SEMA6D: variants seen among roughly 807,000 people sequenced by gnomAD.
SEMA6D encodes the protein semaphorin 6D.
A neutral mutation model predicts 106.6 loss-of-function variants in SEMA6D; 35 were observed. The observed-to-expected ratio is 0.33, with a 90% confidence interval of 0.25 to 0.44. The LOEUF (loss-of-function observed/expected upper bound fraction) is 0.44. Ranked by LOEUF, SEMA6D falls within the 20% of genes least tolerant of loss-of-function variation. The pLI is 1.00. For missense variants in SEMA6D, 1,185 were observed against 1,345.9 expected, an observed-to-expected ratio of 0.88 and a Z score of 1.87; for synonymous variants, 499 against 487.7, an observed-to-expected ratio of 1.02 and a Z score of -0.31.
intron 1 of SEMA6D, among the ~76,000 whole-genome samples, chr15:47,249,331 T>C (rs1182561917): frequency 1.3e-5 from 2 of 152,200 alleles, no homozygotes; most frequent in African/African-American, 4.8e-5. Flanking sequence ...GTATTACTTA[T>C]AGTTCATTTG....
At chr15:47,356,009 T>C (rs1377421852) in intron 1 of SEMA6D, among the ~76,000 whole-genome samples, 1 of 152,194 alleles carries the variant, frequency 6.6e-6, no homozygotes, top group Non-Finnish European at 1.5e-5. Context: ...AGAGGGACAG[T>C]CTAACCCAGA....
At chr15:47,422,418 T>C (rs1221494590) in intron 2 of SEMA6D, among the ~76,000 whole-genome samples, 1 of 152,020 alleles carries the variant, frequency 6.6e-6, no homozygotes, top group African/African-American at 2.4e-5. Flanking sequence ...TTCAAAACAG[T>C]TGGGTATTCC....
At chr15:47,762,382 A>G in intron 8 of SEMA6D, 63 bp downstream of exon 8, 1 of 1,579,972 alleles carries the variant, frequency 6.3e-7, no homozygotes, top group Non-Finnish European at 8.6e-7. Flanking sequence ...TGGGGACAGC[A>G]GCCACGGCCA....
At chr15:47,719,333 T>C (rs747013018) in intron 1 of SEMA6D, among the ~76,000 whole-genome samples, 1 of 152,130 alleles carries the variant, frequency 6.6e-6, no homozygotes, top group African/African-American at 2.4e-5. Flanking sequence ...TTACTATAGA[T>C]ATATAGACTT....
chr15:47,650,537 C>A (rs983159631), intron 4 of SEMA6D, among the ~76,000 whole-genome samples: 1 of 152,144 alleles, frequency 6.6e-6, no homozygotes, highest in African/African-American at 2.4e-5. Context: ...TGCTGATTTC[C>A]CTGTCAATAG....
At chr15:47,424,739 T>C (rs1218984400) in intron 2 of SEMA6D, among the ~76,000 whole-genome samples, 1 of 152,144 alleles carries the variant, frequency 6.6e-6, no homozygotes, top group Admixed American at 6.6e-5. Flanking sequence ...AATTTTTCCC[T>C]TCCACTTCTG....
chr15:47,245,368 C>T (rs1368392784), intron 1 of SEMA6D, among the ~76,000 whole-genome samples: 2 of 152,118 alleles, frequency 1.3e-5, no homozygotes, highest in African/African-American at 2.4e-5. Context: ...TAGTAGCCAT[C>T]CTGATGGACT....
intron 1 of SEMA6D, among the ~76,000 whole-genome samples, chr15:47,260,460 T>C (rs35462331): frequency 0.35 from 53,601 of 151,966 alleles, 9,622 homozygotes; most frequent in Middle Eastern, 0.45. Context: ...GTTGGTGTAC[T>C]GTGGACCCCA....
At chr15:47,528,927 A>G (rs990759699) in intron 3 of SEMA6D, among the ~76,000 whole-genome samples, 2 of 152,204 alleles carry the variant, frequency 1.3e-5, no homozygotes, top group African/African-American at 4.8e-5. Flanking sequence ...CTATAACATA[A>G]ATAGTTGCTT....
In SEMA6D at chr15:47,771,651, A is replaced by G. The variant is rs2082635185; in HGVS notation, c.3088A>G (p.Ser1030Gly). Residue 1030 changes from serine (S) to glycine (G), a missense_variant, in exon 19 of 19, where the codon AGC (serine) becomes GGC (glycine). By Grantham distance (56) the Ser-to-Gly change is moderately conservative. Around this residue, in one of 3 missense-constraint regions of SEMA6D, gnomAD observed 750 missense variants for 783.5 expected, o/e 0.96. Coordinates refer to ENST00000536845, the MANE Select transcript of SEMA6D (RefSeq NM_001358351.3). ...GCAGCCTTCCCTCTCCAGACAGAGCAGCTACACCAGTAATGGCACTCTTCC... is the reference window on the plus strand; with the variant it reads ...GCAGCCTTCCCTCTCCAGACAGAGCGGCTACACCAGTAATGGCACTCTTCC... Reference protein sequence around the residue: ...HLQPSLSRQSSYTSNGTLPRT... With the variant: ...HLQPSLSRQSGYTSNGTLPRT... 1 of 1,614,118 alleles carries G rather than the reference A, an allele frequency of 6.2e-7. No individual in the cohort carries two copies. Among genetic ancestry groups the G allele is most frequent in the Non-Finnish European group, 8.5e-7 (1 of 1,179,992 alleles).
At chr15:47,684,813 A>G (rs8035136) in intron 4 of SEMA6D, among the ~76,000 whole-genome samples, 40,935 of 152,120 alleles carry the variant, frequency 0.27, 6,770 homozygotes, top group East Asian at 0.44. Flanking sequence ...ATCTTTATTA[A>G]TTTTGATAGA....
chr15:47,263,790 T>C (rs1354408287), intron 1 of SEMA6D, among the ~76,000 whole-genome samples: 1 of 151,856 alleles, frequency 6.6e-6, no homozygotes, highest in Non-Finnish European at 1.5e-5. Context: ...GCATGACATA[T>C]TCTTTATCCA....
intron 2 of SEMA6D, among the ~76,000 whole-genome samples, chr15:47,433,057 A>C (rs2041589424): frequency 6.6e-6 from 1 of 152,056 alleles, no homozygotes; most frequent in Non-Finnish European, 1.5e-5. Context: ...GCTTTGTGGC[A>C]GACAGTGTGC....
chr15:47,719,817 G>C (rs2079315036), intron 1 of SEMA6D, among the ~76,000 whole-genome samples: 1 of 152,154 alleles, frequency 6.6e-6, no homozygotes. Flanking sequence ...ACTCTCTTAG[G>C]TGTCTAACTC....
chr15:47,315,088 G>C (rs911714496), intron 1 of SEMA6D, among the ~76,000 whole-genome samples: 1 of 151,514 alleles, frequency 6.6e-6, no homozygotes, highest in Non-Finnish European at 1.5e-5. Flanking sequence ...GGATGGTCTC[G>C]ATCTCCTGAC....
intron 1 of SEMA6D, chr15:47,730,686 G>C (rs1054881690): frequency 6.2e-7 from 1 of 1,608,296 alleles, no homozygotes; most frequent in African/African-American, 1.3e-5. Flanking sequence ...CCAGGGCCTG[G>C]GTGAACTGGT....
At chr15:47,767,877 T>C (rs1193536513) in intron 17 of SEMA6D, among the ~76,000 whole-genome samples, 1 of 152,222 alleles carries the variant, frequency 6.6e-6, no homozygotes, top group African/African-American at 2.4e-5. Flanking sequence ...AAAAAGATGG[T>C]AGATCTTATG....
At chr15:47,217,800 A>G (rs1235057645) in intron 1 of SEMA6D, among the ~76,000 whole-genome samples, 1 of 151,380 alleles carries the variant, frequency 6.6e-6, no homozygotes, top group African/African-American at 2.4e-5. Context: ...ATATGTGTAT[A>G]TGTTTGTATA....
At chr15:47,400,383 G>A (rs1275678595) in intron 1 of SEMA6D, among the ~76,000 whole-genome samples, 1 of 151,830 alleles carries the variant, frequency 6.6e-6, no homozygotes, top group African/African-American at 2.4e-5. Context: ...CAGCTACTCT[G>A]GAGGCTGAGG....
Sources: allele counts gnomAD v4.1 joint callset (sites outside exome capture counted in the v4.1 genomes callset), GRCh38; gene constraint gnomAD v4.1.1; regional missense constraint gnomAD v4.1.1; transcripts MANE v1.5; gene names NCBI Gene and HGNC (gene_info 2026-07-23, HGNC 2026-07-21).